RPS6KA2: variants seen among roughly 807,000 people sequenced by gnomAD.
RPS6KA2 encodes ribosomal protein S6 kinase alpha-2.
A neutral mutation model predicts 91.8 loss-of-function variants in RPS6KA2; 42 were observed. The observed-to-expected ratio is 0.46, with a 90% confidence interval of 0.36 to 0.59. The LOEUF (loss-of-function observed/expected upper bound fraction) is 0.59. Among genes scored for constraint, RPS6KA2 ranks in the 20% least tolerant of loss-of-function variants. The pLI, the probability that RPS6KA2 is intolerant of heterozygous loss-of-function variation, is 0.00. For synonymous variants in RPS6KA2, 414 were observed against 393.6 expected, an observed-to-expected ratio of 1.05 and a Z score of -0.61; for missense variants, 798 against 978.5, an observed-to-expected ratio of 0.82 and a Z score of 2.46.
intron 8 of RPS6KA2, among the ~76,000 whole-genome samples, chr6:166,496,489 C>T (rs1781793125): frequency 6.6e-6 from 1 of 151,970 alleles, no homozygotes. Flanking sequence ...TCCCCCTGTC[C>T]CCCCAGAAAC....
intron 2 of RPS6KA2, among the ~76,000 whole-genome samples, chr6:166,747,890 C>T (rs750911078): frequency 6.6e-6 from 1 of 152,188 alleles, no homozygotes; most frequent in Non-Finnish European, 1.5e-5. Flanking sequence ...AGATTCTCGA[C>T]CTCTGCAGCT....
intron 2 of RPS6KA2, among the ~76,000 whole-genome samples, chr6:166,751,373 G>A (rs1022019905): frequency 1.3e-5 from 2 of 152,250 alleles, no homozygotes; most frequent in African/African-American, 2.4e-5. Context: ...AGTCACAGGA[G>A]GGCTTCCCCT....
At position 166,561,536 on chromosome 6, in the gene RPS6KA2, G is replaced by A. The variant is rs527268308; in HGVS notation, c.100-22752C>T. Among the ~76,000 whole-genome samples, 5 of 151,772 alleles carry A rather than the reference G, an allele frequency of 3.3e-5. No homozygotes were observed. In the South Asian group the frequency reaches 6.3e-4, roughly 19 times the overall value. ...TGAGCCCACTCTGGGAGTCACCCTC[G>A]ACTCTCTCATCTGCTTGACTCTGTG... is the stretch of plus-strand genomic sequence containing the variant. On this transcript the variant is annotated intron_variant, in intron 1 of 20. Coordinates refer to ENST00000265678, the MANE Select transcript of RPS6KA2 (RefSeq NM_021135.6).
chr6:166,504,703 A>G lies in RPS6KA2; in HGVS notation c.460-91T>C, dbSNP rs996378391. The G allele has an allele frequency of 3.4e-6, 3 of 872,356 alleles. No homozygotes were observed. The African/African-American group carries it at 5.1e-5, about 15-fold the overall frequency. The allele number at this position is 872,356 out of a possible 1,614,324, so 54.0% of individuals were successfully genotyped here. A position where few individuals can be genotyped will look rare whatever the true frequency, so the allele number is the denominator to read the frequency against. On this transcript the variant is annotated intron_variant, in intron 5 of 20. Coordinates refer to ENST00000265678, the MANE Select transcript of RPS6KA2 (RefSeq NM_021135.6). Reference sequence around the variant, plus strand: ...AAAGAACTCTGCCAGAGAGACTGAGAGTCCACACTGGGGTCAGTTTGCTCT... The same window carrying G: ...AAAGAACTCTGCCAGAGAGACTGAGGGTCCACACTGGGGTCAGTTTGCTCT...
chr6:166,859,016 CGGG>C (rs1562475011), intron 1 of RPS6KA2, among the ~76,000 whole-genome samples: 24 of 79,592 alleles, frequency 3.0e-4, no homozygotes, highest in Non-Finnish European at 8.8e-4. Context: ...GCAGCAGACA[CGGG>C]AGAGCTCCAC....
At chr6:166,685,044 C>T (rs1788962786) in intron 2 of RPS6KA2, among the ~76,000 whole-genome samples, 1 of 152,232 alleles carries the variant, frequency 6.6e-6, no homozygotes, top group Non-Finnish European at 1.5e-5. Context: ...AGCTCCAGAG[C>T]CCTGCAAGGG....
In RPS6KA2 at chr6:166,508,176, C is replaced by G. The variant is rs750536985; in HGVS notation, c.459+27G>C. ...TCCCAGACAGAAGCTCCTGCCCGCC[C>G]TCCTGTGTGATGTGGCGGCTGCTCA... On this transcript the variant is annotated intron_variant, in intron 5 of 20. Coordinates refer to ENST00000265678, the MANE Select transcript of RPS6KA2 (RefSeq NM_021135.6). The surrounding 1 kb of genome is among the most constrained non-coding windows in gnomAD (Gnocchi z 4.3). 1.4e-5 allele frequency: 22 copies of G among 1,531,734 alleles called. No individual in the cohort carries two copies. In the East Asian group the frequency reaches 4.3e-4, roughly 30 times the overall value. The allele number at this position is 1,531,734 out of a possible 1,614,324, so 94.9% of individuals were successfully genotyped here.
chr6:166,598,402 G>A (rs1377314495), intron 1 of RPS6KA2, among the ~76,000 whole-genome samples: 1 of 152,222 alleles, frequency 6.6e-6, no homozygotes, highest in Non-Finnish European at 1.5e-5. Flanking sequence ...GAGGCTTATG[G>A]ATGAATTAAA....
In RPS6KA2 at chr6:166,729,733, C is replaced by T. The variant is rs149333528; in HGVS notation, c.123+128467G>A. 3.3e-5 allele frequency among the ~76,000 whole-genome samples: 5 copies of T among 152,306 alleles called. No homozygotes were observed. In the East Asian group the frequency reaches 7.7e-4, roughly 23 times the overall value. ...TCGGCTTTTCTTGAAATGTCTGGAT[C>T]GTTCAATGCAACCAAGAAACTTCCC... On this transcript the variant is annotated intron_variant, in intron 2 of 21. Transcript: ENST00000503859.
chr6:166,475,368 C>T (rs1030091301), intron 10 of RPS6KA2, among the ~76,000 whole-genome samples: 4 of 152,196 alleles, frequency 2.6e-5, no homozygotes, highest in Admixed American at 2.6e-4. Context: ...TCTGTCTCCT[C>T]TCCACTCACC....
intron 2 of RPS6KA2, among the ~76,000 whole-genome samples, chr6:166,801,955 A>T (rs1038367802): frequency 3.2e-4 from 48 of 152,196 alleles, no homozygotes; most frequent in Middle Eastern, 3.4e-3. Flanking sequence ...TAAAAAAAAA[A>T]AATTTTTAAA....
At chr6:166,742,267 C>T (rs768105716) in intron 2 of RPS6KA2, among the ~76,000 whole-genome samples, 5 of 152,190 alleles carry the variant, frequency 3.3e-5, no homozygotes, top group African/African-American at 4.8e-5. Flanking sequence ...TGTCTGTCCA[C>T]GCACAGGAGT....
Position 166,849,443 on chromosome 6 carries a change from A to G in RPS6KA2, c.123+8757T>C, listed in dbSNP as rs895827458. Among the ~76,000 whole-genome samples, 1 of 152,192 alleles carries G rather than the reference A, an allele frequency of 6.6e-6. No homozygotes were observed. Among genetic ancestry groups the G allele is most frequent in the African/African-American group, 2.4e-5 (1 of 41,432 alleles). The stretch of plus-strand genomic sequence containing the variant: ...TTCATAGAATCCTGGTGCCCAGCAC[A>G]GGGCCAGACACACAGTTATCACTCC... On this transcript the variant is annotated intron_variant, in intron 2 of 21. Coordinates refer to the RPS6KA2 transcript ENST00000503859. This position sits in a 1 kb window ranked among gnomAD's most constrained non-coding sequence, Gnocchi z 4.9.
At chr6:166,858,339 A>G in intron 1 of RPS6KA2, 1 of 729,766 alleles carries the variant, frequency 1.4e-6, no homozygotes, top group South Asian at 1.7e-5. Context: ...ACCAATATGA[A>G]AAAGTACTAA....
At chr6:166,451,296 T>G in intron 12 of RPS6KA2, 63 bp from the exon 13 acceptor site, 2 of 1,577,200 alleles carry the variant, frequency 1.3e-6, no homozygotes, top group Non-Finnish European at 1.7e-6. Flanking sequence ...GGTGAAGTGA[T>G]AGTGTGTGTG....
intron 2 of RPS6KA2, among the ~76,000 whole-genome samples, chr6:166,809,465 A>G (rs1381346131): frequency 2.0e-5 from 3 of 152,252 alleles, no homozygotes; most frequent in Non-Finnish European, 4.4e-5. Flanking sequence ...ACTGATATTA[A>G]GAAAAACAGG....
intron 14 of RPS6KA2, 53 bp from the exon 15 acceptor site, chr6:166,432,543 G>A: frequency 9.1e-7 from 1 of 1,094,938 alleles, no homozygotes; most frequent in Non-Finnish European, 1.4e-6. Flanking sequence ...GCTTTCGGGT[G>A]GTATCTGCTG....
intron 1 of RPS6KA2, among the ~76,000 whole-genome samples, chr6:166,606,009 C>T (rs1391440780): frequency 6.6e-6 from 1 of 152,232 alleles, no homozygotes; most frequent in Non-Finnish European, 1.5e-5. Flanking sequence ...GCCAGCAAAG[C>T]ACCTTGATGA....
At chr6:166,712,842 C>T (rs923269780) in intron 2 of RPS6KA2, among the ~76,000 whole-genome samples, 3 of 152,240 alleles carry the variant, frequency 2.0e-5, no homozygotes, top group Non-Finnish European at 4.4e-5. Flanking sequence ...TGCTGAAACA[C>T]AGCGTCTATC....
Sources: allele counts gnomAD v4.1 joint callset (sites outside exome capture counted in the v4.1 genomes callset), GRCh38; gene constraint gnomAD v4.1.1; non-coding constraint Gnocchi (gnomAD v3.1); transcripts MANE v1.5; gene names NCBI Gene and HGNC (gene_info 2026-07-23, HGNC 2026-07-21).